VAV3: variants seen among roughly 807,000 people sequenced by gnomAD.
The protein encoded by VAV3 is vav guanine nucleotide exchange factor 3.
In VAV3, 94 loss-of-function variants were observed where a neutral mutation model predicts 131.2. The ratio of observed to expected loss-of-function variants is 0.72; its 90% confidence interval spans 0.61 to 0.85. VAV3 has a LOEUF of 0.85. Among genes scored for constraint, VAV3 ranks in the 40% least tolerant of loss-of-function variants. VAV3 has a pLI of 0.00. For synonymous variants in VAV3, 349 were observed against 342.0 expected (o/e 1.02, Z -0.22); for missense variants, 939 against 1,002.7 (o/e 0.94, Z 0.86).
At chr1:107,883,882 T>TTTG (rs1670903188) in intron 1 of VAV3, among the ~76,000 whole-genome samples, 2 of 152,198 alleles carry the variant, frequency 1.3e-5, no homozygotes, top group Non-Finnish European at 2.9e-5. Flanking sequence ...AACACCTGCA[T>TTTG]TAGTCCCTGG....
chr1:107,783,836 C>A (rs564817157), intron 2 of VAV3, among the ~76,000 whole-genome samples: 1 of 149,844 alleles, frequency 6.7e-6, no homozygotes, highest in Non-Finnish European at 1.5e-5. Flanking sequence ...ATCACGAGAT[C>A]AGGAGATCGA....
At chr1:107,680,234 A>G (rs1331328034) in intron 19 of VAV3, among the ~76,000 whole-genome samples, 10 of 152,032 alleles carry the variant, frequency 6.6e-5, no homozygotes, top group Admixed American at 6.6e-4. Flanking sequence ...CACCAAAAAA[A>G]AAACCTCTCA....
In VAV3 at chr1:107,773,914, C is replaced by A. The variant is rs79054150; in HGVS notation, c.447-1071G>T. On this transcript the variant is annotated intron_variant, in intron 4 of 26. Transcript: ENST00000370056. ...AGCAAAATGGACTGAAATTCATTTC[C>A]CTGGCACTCCTAATCCCAGAACTCC... is the stretch of plus-strand genomic sequence containing the variant. 3.5e-3 allele frequency among the ~76,000 whole-genome samples: 530 copies of A among 152,132 alleles called. 3 individuals carry two copies. Among genetic ancestry groups the A allele is most frequent in the African/African-American group, 0.011 (469 of 41,496 alleles).
chr1:107,609,476 A>C (rs1485995152), intron 22 of VAV3: 1 of 152,458 alleles, frequency 6.6e-6, no homozygotes, highest in East Asian at 1.9e-4. Context: ...TCAAGGCTGC[A>C]ATGGGTTATG....
intron 15 of VAV3, among the ~76,000 whole-genome samples, chr1:107,748,406 C>G (rs1276561370): frequency 1.3e-5 from 2 of 152,140 alleles, no homozygotes; most frequent in Non-Finnish European, 2.9e-5. Context: ...TTATTTTCTA[C>G]CTCTTTGTTG....
intron 1 of VAV3, among the ~76,000 whole-genome samples, chr1:107,880,253 G>A (rs1021069682): frequency 1.6e-4 from 25 of 152,220 alleles, no homozygotes; most frequent in Admixed American, 7.2e-4. Flanking sequence ...TACATAAAGA[G>A]AAGGAGTGGT....
chr1:107,791,501 G>A (rs1666285597), intron 2 of VAV3, among the ~76,000 whole-genome samples: 1 of 152,184 alleles, frequency 6.6e-6, no homozygotes, highest in Non-Finnish European at 1.5e-5. Flanking sequence ...TACTCAACTA[G>A]GGCAAGATAG....
intron 19 of VAV3, among the ~76,000 whole-genome samples, chr1:107,655,093 CTT>C (rs1372140834): frequency 2.0e-5 from 3 of 152,030 alleles, no homozygotes; most frequent in Non-Finnish European, 4.4e-5. Flanking sequence ...ACCAGTGACA[CTT>C]AGCACAAAGT....
At chr1:107,894,234 C>G (rs1671462235) in intron 1 of VAV3, among the ~76,000 whole-genome samples, 1 of 152,156 alleles carries the variant, frequency 6.6e-6, no homozygotes, top group African/African-American at 2.4e-5. Context: ...TCACACAGAT[C>G]ACTTTGAGAA....
chr1:107,596,220 C>T lies in VAV3; in HGVS notation c.2342G>A (p.Gly781Asp), dbSNP rs1651369579. ...TCAATTACAATACTTACAGCTGTTG[C>T]CTGCTCTATTACCCCTCTGTCCAGC... The part of the protein sequence containing the change: ...HSAGQRGNRA[G>D]NSLLSPKVLG... The change falls in exon 25 of 27, where the codon GGC (glycine) becomes GAC (aspartate). Residue 781 changes from glycine (G) to aspartate (D), a missense_variant. By Grantham distance (94) the Gly-to-Asp change is moderately conservative. Transcript: ENST00000370056. 1 of 1,612,654 alleles carries T rather than the reference C, an allele frequency of 6.2e-7. No individual in the cohort carries two copies. Among genetic ancestry groups the T allele is most frequent in the Non-Finnish European group, 8.5e-7 (1 of 1,179,210 alleles).
Position 107,774,677 on chromosome 1 carries a change from C to T in VAV3, c.447-1834G>A, listed in dbSNP as rs188023054. ...CTAAAAGGACACTGTACAGTGTAGC[C>T]ATTACCTGCCCTCTCCACTCCATCC... On this transcript the variant is annotated intron_variant, in intron 4 of 26. Transcript: ENST00000370056. Among the ~76,000 whole-genome samples the T allele has an allele frequency of 7.5e-4, 114 of 152,276 alleles. 1 individual carries two copies. The highest frequency in any genetic ancestry group is 2.6e-3 in the African/African-American group (110 of 41,564).
chr1:107,714,851 A>G (rs1407361534), intron 15 of VAV3, among the ~76,000 whole-genome samples: 1 of 152,190 alleles, frequency 6.6e-6, no homozygotes, highest in East Asian at 1.9e-4. Flanking sequence ...GATCATGCTT[A>G]GCTCTGAAAA....
chr1:107,771,372 C>T (rs2102185032), intron 5 of VAV3, among the ~76,000 whole-genome samples: 1 of 152,012 alleles, frequency 6.6e-6, no homozygotes, highest in South Asian at 2.1e-4. Context: ...CCTGCCTCAG[C>T]TTCCCAAGTA....
At chr1:107,936,310 G>T (rs2101235462) in intron 1 of VAV3, among the ~76,000 whole-genome samples, 1 of 152,190 alleles carries the variant, frequency 6.6e-6, no homozygotes, top group Non-Finnish European at 1.5e-5. Context: ...TTTAGCCAAT[G>T]AAAAATTCTA....
intron 2 of VAV3, among the ~76,000 whole-genome samples, chr1:107,839,082 C>A (rs1668587797): frequency 6.6e-6 from 1 of 151,942 alleles, no homozygotes; most frequent in South Asian, 2.1e-4. Flanking sequence ...TGCACATGTA[C>A]CCCCAAATCT....
At chr1:107,747,455 T>C (rs1022578575) in intron 15 of VAV3, among the ~76,000 whole-genome samples, 2 of 152,192 alleles carry the variant, frequency 1.3e-5, no homozygotes. Flanking sequence ...CCAATTCAAA[T>C]TGTTTAACTC....
At chr1:107,948,736 A>G (rs937062787) in intron 1 of VAV3, among the ~76,000 whole-genome samples, 1 of 152,050 alleles carries the variant, frequency 6.6e-6, no homozygotes, top group African/African-American at 2.4e-5. Flanking sequence ...CCAGCTACTC[A>G]GGAGGAGGCT....
At chr1:107,690,794 C>G (rs369891971) in intron 17 of VAV3, among the ~76,000 whole-genome samples, 1 of 152,096 alleles carries the variant, frequency 6.6e-6, no homozygotes, top group Non-Finnish European at 1.5e-5. Flanking sequence ...TTCCCCTTTG[C>G]CTTTCTCCTT....
intron 1 of VAV3, among the ~76,000 whole-genome samples, chr1:107,891,838 CAAAAAAAAAAAAAAA>C (rs35693360): frequency 4.3e-4 from 12 of 27,926 alleles, no homozygotes; most frequent in African/African-American, 1.2e-3. Flanking sequence ...GACTCCGTCT[CAAAAAAAAAAAAAAA>C]AAAAAAAAAA....
Sources: gnomAD v4.1 joint callset for allele counts (sites outside exome capture counted in the v4.1 genomes callset) on GRCh38, gnomAD v4.1.1 for gene constraint, MANE v1.5 for transcripts, NCBI Gene and HGNC (gene_info 2026-07-23, HGNC 2026-07-21) for gene names.